The following VAX2 variants were observed in gnomAD, a reference collection of about 807,000 sequenced individuals.
VAX2 encodes the protein ventral anterior homeobox 2.
VAX2 carries 8 observed loss-of-function variants against 12.5 expected under a neutral mutation model. The ratio of observed to expected loss-of-function variants is 0.64; its 90% CI spans 0.37 to 1.15. The LOEUF (loss-of-function observed/expected upper bound fraction) is 1.15. Among genes scored for constraint, VAX2 ranks in the 50% most tolerant of loss-of-function variants. The pLI is 0.01. For synonymous variants in VAX2, 183 were observed against 187.6 expected, an observed-to-expected ratio of 0.98 and a Z score of 0.20; for missense variants, 476 against 412.9, an observed-to-expected ratio of 1.15 and a Z score of -1.32.
chr2:70,916,841 T>A (rs1437052026), intron 1 of VAX2, among the ~76,000 whole-genome samples: 1 of 152,152 alleles, frequency 6.6e-6, no homozygotes, highest in East Asian at 1.9e-4. Flanking sequence ...TACAGGTTTT[T>A]GTGTGAACAT....
intron 2 of VAX2, among the ~76,000 whole-genome samples, chr2:70,931,066 G>T (rs1679684602): frequency 6.6e-6 from 1 of 152,122 alleles, no homozygotes; most frequent in Admixed American, 6.5e-5. Flanking sequence ...GATTCTTTTG[G>T]GCCCTCCCCC....
intron 2 of VAX2, among the ~76,000 whole-genome samples, chr2:70,922,988 T>G (rs1409813845): frequency 6.6e-6 from 1 of 151,932 alleles, no homozygotes; most frequent in Non-Finnish European, 1.5e-5. Context: ...CAAGAGACCC[T>G]TCCACATGGC....
intron 2 of VAX2, among the ~76,000 whole-genome samples, chr2:70,925,385 C>T (rs1558661411): frequency 6.6e-6 from 1 of 152,082 alleles, no homozygotes; most frequent in East Asian, 1.9e-4. Flanking sequence ...AGGACTTGCT[C>T]ATGGATTATA....
intron 1 of VAX2, among the ~76,000 whole-genome samples, chr2:70,913,591 G>A (rs929739339): frequency 5.3e-5 from 8 of 152,160 alleles, no homozygotes; most frequent in Admixed American, 4.6e-4. Context: ...CAGGAGAATC[G>A]TTCGAACCCA....
At chr2:70,927,557 C>A (rs1679601634) in intron 2 of VAX2, among the ~76,000 whole-genome samples, 1 of 150,862 alleles carries the variant, frequency 6.6e-6, no homozygotes, top group Admixed American at 6.7e-5. Flanking sequence ...AGTATGGGCC[C>A]ATGGTCACAG....
At chr2:70,930,285 C>T (rs1357882476) in intron 2 of VAX2, among the ~76,000 whole-genome samples, 3 of 152,180 alleles carry the variant, frequency 2.0e-5, no homozygotes, top group Non-Finnish European at 1.5e-5. Flanking sequence ...TCTCCTGAAG[C>T]CCCACACCTG....
At chr2:70,913,124 C>T (rs1180772501) in intron 1 of VAX2, among the ~76,000 whole-genome samples, 2 of 152,216 alleles carry the variant, frequency 1.3e-5, no homozygotes, top group Admixed American at 6.5e-5. Context: ...TAACAAAACA[C>T]AAATGCATTT....
intron 1 of VAX2, among the ~76,000 whole-genome samples, chr2:70,913,822 A>C (rs1679249123): frequency 6.6e-6 from 1 of 152,222 alleles, no homozygotes; most frequent in Non-Finnish European, 1.5e-5. Flanking sequence ...CTAGAATAAT[A>C]TTTGACAAAT....
intron 1 of VAX2, among the ~76,000 whole-genome samples, 171 bp downstream of exon 1, chr2:70,901,039 C>T: frequency 6.6e-6 from 1 of 152,254 alleles, no homozygotes; most frequent in East Asian, 1.9e-4. Flanking sequence ...GGACATTAAG[C>T]TGAGTGCAAG....
At chr2:70,916,927 G>A (rs147096583) in intron 1 of VAX2, among the ~76,000 whole-genome samples, 1 of 152,048 alleles carries the variant, frequency 6.6e-6, no homozygotes. Flanking sequence ...CAGGCAGGTG[G>A]ATCACCTGAG....
At chr2:70,922,560 G>A (rs782438113) in intron 2 of VAX2, among the ~76,000 whole-genome samples, 2 of 151,996 alleles carry the variant, frequency 1.3e-5, no homozygotes, top group Non-Finnish European at 2.9e-5. Flanking sequence ...TGGTCCCCTT[G>A]AGAGGTTAGC....
At position 70,933,299 on chromosome 2, in the gene VAX2, G is replaced by A. The variant is rs1572901672; in HGVS notation, c.*95G>A. Reference sequence around the variant, plus strand: ...ACTGAGCAGGCCCCGGAGAGGAGGGGCTGCAGCCACACACTCTTCCCCACC... The same window carrying A: ...ACTGAGCAGGCCCCGGAGAGGAGGGACTGCAGCCACACACTCTTCCCCACC... On this transcript the variant is annotated 3_prime_UTR_variant, in exon 3 of 3. Coordinates refer to ENST00000234392, the MANE Select transcript of VAX2 (RefSeq NM_012476.3). The A allele has an allele frequency of 8.1e-7, 1 of 1,227,544 alleles. No individual in the cohort carries two copies. The allele number at this position is 1,227,544 out of a possible 1,614,324, so 76.0% of individuals were successfully genotyped here. A position where few individuals can be genotyped will look rare whatever the true frequency, so the allele number is the denominator to read the frequency against.
In VAX2 at chr2:70,904,133, C is replaced by T. The variant is rs1678997493; in HGVS notation, c.247+3265C>T. Among the ~76,000 whole-genome samples the T allele has an allele frequency of 6.6e-6, 1 of 152,244 alleles. No homozygotes were observed. The highest frequency in any genetic ancestry group is 1.5e-5 in the Non-Finnish European group (1 of 68,042). On this transcript the variant is annotated intron_variant, in intron 1 of 2. Coordinates refer to ENST00000234392, the MANE Select transcript of VAX2 (RefSeq NM_012476.3). The surrounding 1 kb of genome is among the most constrained non-coding windows in gnomAD (Gnocchi z 4.2). ...ACGCAGCGATCCTCCCATTTGTACCCTAAGGCCTGAGAAGGCCGCTCCACA... is the reference window on the plus strand; with the variant it reads ...ACGCAGCGATCCTCCCATTTGTACCTTAAGGCCTGAGAAGGCCGCTCCACA...
At chr2:70,906,635 C>T (rs916554123) in intron 1 of VAX2, among the ~76,000 whole-genome samples, 1 of 145,226 alleles carries the variant, frequency 6.9e-6, no homozygotes, top group Non-Finnish European at 1.5e-5. Context: ...CTCAAGCGAT[C>T]CTCCCTCATC....
At position 70,933,086 on chromosome 2, in the gene VAX2, C is replaced by T. The variant is rs1176779419; in HGVS notation, c.755C>T (p.Ser252Leu). ...PPPLPAVCFS[S>L]APLLDLPAGY... ...CCTCTGCCAGCTGTCTGCTTTTCCTCGGCCCCGCTCCTGGATCTGCCTGCC... is the reference window on the plus strand; with the variant it reads ...CCTCTGCCAGCTGTCTGCTTTTCCTTGGCCCCGCTCCTGGATCTGCCTGCC... Residue 252 changes from serine to leucine, a missense_variant, in exon 3 of 3, where the codon TCG becomes TTG. Transcript: ENST00000234392. The T allele has an allele frequency of 1.4e-5, 22 of 1,609,686 alleles. No individual in the cohort carries two copies. Among genetic ancestry groups the T allele is most frequent in the South Asian group, 2.2e-5 (2 of 90,204 alleles).
intron 1 of VAX2, among the ~76,000 whole-genome samples, chr2:70,911,998 A>G (rs1442476837): frequency 2.0e-5 from 3 of 152,184 alleles, no homozygotes; most frequent in Non-Finnish European, 4.4e-5. Flanking sequence ...ATTTTTGCAC[A>G]CAGTGTGAGA....
At chr2:70,910,795 C>G (rs548598960) in intron 1 of VAX2, among the ~76,000 whole-genome samples, 4 of 113,900 alleles carry the variant, frequency 3.5e-5, no homozygotes, top group Non-Finnish European at 7.4e-5. Flanking sequence ...AAAAAAAAAA[C>G]AAAACAAAAC....
At chr2:70,921,696 A>T (rs1282974538) in intron 2 of VAX2, among the ~76,000 whole-genome samples, 1 of 150,698 alleles carries the variant, frequency 6.6e-6, no homozygotes, top group Non-Finnish European at 1.5e-5. Flanking sequence ...TGGGCTGGGG[A>T]CCTCTCGCTT....
chr2:70,930,349 T>G (rs1418130994), intron 2 of VAX2, among the ~76,000 whole-genome samples: 9 of 152,160 alleles, frequency 5.9e-5, no homozygotes, highest in Admixed American at 5.9e-4. Flanking sequence ...GTTTGAGGTT[T>G]GAGGAAAGCA....
Sources: allele counts gnomAD v4.1 joint callset (sites outside exome capture counted in the v4.1 genomes callset), GRCh38; gene constraint gnomAD v4.1.1; non-coding constraint Gnocchi (gnomAD v3.1); transcripts MANE v1.5; gene names NCBI Gene and HGNC (gene_info 2026-07-23, HGNC 2026-07-21).